Variants in EMP2 observed in about 807,000 individuals in gnomAD.
The protein encoded by EMP2 is epithelial membrane protein 2.
A neutral mutation model predicts 13.7 loss-of-function variants in EMP2; 19 were observed. That is an observed-to-expected ratio of 1.38 (90% CI 0.97 to 2.03). EMP2 has a LOEUF of 2.03. Ranked by LOEUF, EMP2 falls within the 30% of genes most tolerant of loss-of-function variation. The probability of loss-of-function intolerance (pLI) is 0.00; values close to 1 mark genes in which losing one functional copy is unlikely to be tolerated. For synonymous variants in EMP2, 97 were observed against 84.7 expected (o/e 1.15, Z -0.80); for missense variants, 253 against 220.7 (o/e 1.15, Z -0.93).
chr16:10,576,265 A>G (rs1377009586), intron 1 of EMP2, among the ~76,000 whole-genome samples: 1 of 152,086 alleles, frequency 6.6e-6, no homozygotes, highest in Admixed American at 6.6e-5. Context: ...ACCAGTGGTA[A>G]CACATTTTGG....
chr16:10,547,215 A>C, intron 2 of EMP2: 1 of 204,824 alleles, frequency 4.9e-6, no homozygotes, highest in Non-Finnish European at 9.8e-6. Flanking sequence ...GGTGGGAGGT[A>C]ACTGAATCAT....
chr16:10,548,933 C>T (rs976234204), intron 1 of EMP2, among the ~76,000 whole-genome samples: 3 of 152,128 alleles, frequency 2.0e-5, no homozygotes, highest in African/African-American at 7.2e-5. Context: ...ATGACATGGC[C>T]ATTTCCAGGC....
At chr16:10,570,419 CAG>C (rs2050939014) in intron 1 of EMP2, among the ~76,000 whole-genome samples, 1 of 151,994 alleles carries the variant, frequency 6.6e-6, no homozygotes, top group Admixed American at 6.6e-5. Context: ...TTTTTTGAGA[CAG>C]AGTCTTGCCC....
Position 10,532,834 on chromosome 16 carries a change from A to T in EMP2, c.*71T>A. 1 of 1,176,184 alleles carries T rather than the reference A, an allele frequency of 8.5e-7. No homozygotes were observed. The highest frequency in any genetic ancestry group is 3.0e-5 in the East Asian group (1 of 33,802). The allele number at this position is 1,176,184 out of a possible 1,614,324, so 72.9% of individuals were successfully genotyped here. A position where few individuals can be genotyped will look rare whatever the true frequency, so the allele number is the denominator to read the frequency against. Reference sequence around the variant, plus strand: ...TTTGCTAGAAAAACCTCAAAAAATAATGATTATATACAAAATGGTTATCTG... The same window carrying T: ...TTTGCTAGAAAAACCTCAAAAAATATTGATTATATACAAAATGGTTATCTG... On this transcript the variant is annotated 3_prime_UTR_variant, in exon 5 of 5. Coordinates refer to ENST00000359543, the MANE Select transcript of EMP2 (RefSeq NM_001424.6).
At chr16:10,538,300 C>T (rs183962032) in intron 3 of EMP2, among the ~76,000 whole-genome samples, 1 of 152,328 alleles carries the variant, frequency 6.6e-6, no homozygotes, top group Admixed American at 6.5e-5. Flanking sequence ...GACCCCTTAT[C>T]TGGAAGACGA....
At chr16:10,549,692 C>T (rs904781480) in intron 1 of EMP2, among the ~76,000 whole-genome samples, 1 of 149,804 alleles carries the variant, frequency 6.7e-6, no homozygotes, top group African/African-American at 2.5e-5. Flanking sequence ...ATTGTAGCCC[C>T]AGTTTTAAAT....
intron 1 of EMP2, among the ~76,000 whole-genome samples, chr16:10,556,889 T>C (rs749352354): frequency 6.6e-6 from 1 of 152,158 alleles, no homozygotes; most frequent in Non-Finnish European, 1.5e-5. Context: ...GTGAAAACCA[T>C]GCAGCAACCT....
chr16:10,541,276 T>C (rs534031230), intron 3 of EMP2, among the ~76,000 whole-genome samples: 1 of 152,218 alleles, frequency 6.6e-6, no homozygotes, highest in Admixed American at 6.5e-5. Flanking sequence ...AAGTGGGCTA[T>C]TTTAAAAGTA....
intron 3 of EMP2, among the ~76,000 whole-genome samples, chr16:10,541,043 G>C (rs2050693255): frequency 6.6e-6 from 1 of 151,870 alleles, no homozygotes; most frequent in African/African-American, 2.4e-5. Flanking sequence ...AGCTGTGATT[G>C]CACCACTGCA....
At chr16:10,542,943 T>G (rs937444258) in intron 3 of EMP2, among the ~76,000 whole-genome samples, 3 of 152,250 alleles carry the variant, frequency 2.0e-5, no homozygotes, top group African/African-American at 7.2e-5. Context: ...CCTCCTGGAT[T>G]CAAGCAATTC....
intron 1 of EMP2, among the ~76,000 whole-genome samples, chr16:10,556,370 AT>A (rs1369390433): frequency 1.3e-5 from 2 of 152,108 alleles, no homozygotes; most frequent in Non-Finnish European, 2.9e-5. Context: ...GGTTGGCCTG[AT>A]TCTTTGCAGT....
chr16:10,565,115 T>C (rs982051467), intron 1 of EMP2, among the ~76,000 whole-genome samples: 5 of 152,218 alleles, frequency 3.3e-5, no homozygotes, highest in Non-Finnish European at 7.3e-5. Context: ...TTTAAAGTCA[T>C]ATTCGCACAA....
intron 1 of EMP2, among the ~76,000 whole-genome samples, chr16:10,560,955 G>C (rs1251793182): frequency 1.3e-5 from 2 of 152,216 alleles, no homozygotes; most frequent in Non-Finnish European, 2.9e-5. Context: ...GGCTGGGGAA[G>C]CTTTGTAAGC....
intron 1 of EMP2, among the ~76,000 whole-genome samples, chr16:10,573,912 T>C (rs1021255821): frequency 6.6e-6 from 1 of 150,552 alleles, no homozygotes; most frequent in African/African-American, 2.4e-5. Context: ...TCTTTCCATA[T>C]GGGTACAATG....
chr16:10,575,026 C>T (rs1425203636), intron 1 of EMP2, among the ~76,000 whole-genome samples: 1 of 152,064 alleles, frequency 6.6e-6, no homozygotes, highest in Non-Finnish European at 1.5e-5. Flanking sequence ...GCTGGGAATA[C>T]AGGTATGTGC....
intron 1 of EMP2, among the ~76,000 whole-genome samples, chr16:10,566,206 T>A (rs866029304): frequency 6.6e-6 from 1 of 152,198 alleles, no homozygotes; most frequent in African/African-American, 2.4e-5. Flanking sequence ...AGCTGAAAGA[T>A]TTTCCTTCAT....
intron 2 of EMP2, chr16:10,546,945 C>A (rs1174878186): frequency 6.6e-6 from 1 of 152,252 alleles, no homozygotes; most frequent in Non-Finnish European, 1.5e-5. Flanking sequence ...GGACAAACGT[C>A]CCTGCCTGCC....
In EMP2 at chr16:10,579,708, G is replaced by GCACGCACACACACACACACA. The variant is rs1555461492; in HGVS notation, c.-61+840_-61+841insTGTGTGTGTGTGTGTGCGTG. 3.4e-5 allele frequency among the ~76,000 whole-genome samples: 5 copies of GCACGCACACACACACACACA among 146,668 alleles called. No homozygotes were observed. The East Asian group carries it at 6.0e-4, about 18-fold the overall frequency. On this transcript the variant is annotated intron_variant, in intron 1 of 4. Transcript: ENST00000359543. ...CACAGCTGAATTATAAGATCAAGGT[G>GCACGCACACACACACACACA]CACACACACACACACACACACACAC... is the stretch of plus-strand genomic sequence containing the variant.
At chr16:10,538,267 G>T (rs2050666546) in intron 3 of EMP2, among the ~76,000 whole-genome samples, 193 bp from the exon 4 acceptor site, 1 of 152,188 alleles carries the variant, frequency 6.6e-6, no homozygotes, top group South Asian at 2.1e-4. Context: ...CACCTCCAGT[G>T]TCCATTTGAC....
Sources: gnomAD v4.1 joint callset for allele counts (sites outside exome capture counted in the v4.1 genomes callset) on GRCh38, gnomAD v4.1.1 for gene constraint, MANE v1.5 for transcripts, NCBI Gene and HGNC (gene_info 2026-07-23, HGNC 2026-07-21) for gene names.